The following PCDHA11 variants were observed in gnomAD, a reference collection of about 807,000 sequenced individuals.
PCDHA11 encodes the protein protocadherin alpha 11.
Under a neutral mutation model 70.3 loss-of-function variants are expected in PCDHA11, and 61 were observed. The observed-to-expected ratio is 0.87, with a 90% CI of 0.71 to 1.07. PCDHA11 has a LOEUF of 1.07. Among genes scored for constraint, PCDHA11 ranks in the 50% least tolerant of loss-of-function variants. The probability of loss-of-function intolerance (pLI) is 0.00; values close to 1 mark genes in which losing one functional copy is unlikely to be tolerated. For missense variants in PCDHA11, 1,324 were observed against 1,237.5 expected (o/e 1.07, Z -1.05); for synonymous variants, 633 against 555.1 (o/e 1.14, Z -1.97).
At chr5:140,950,343 A>C (rs1169343189) in intron 1 of PCDHA11, among the ~76,000 whole-genome samples, 9 of 151,988 alleles carry the variant, frequency 5.9e-5, no homozygotes, top group African/African-American at 2.2e-4. Context: ...GATTTATCTT[A>C]GTTTTCCTTT....
chr5:140,897,509 G>T (rs2153456975), intron 1 of PCDHA11, among the ~76,000 whole-genome samples: 1 of 152,062 alleles, frequency 6.6e-6, no homozygotes, highest in East Asian at 1.9e-4. Context: ...CCCTACAAAG[G>T]ACATGAACTC....
chr5:140,969,177 A>C, intron 1 of PCDHA11: 2 of 1,614,086 alleles, frequency 1.2e-6, no homozygotes, highest in Non-Finnish European at 1.7e-6. Flanking sequence ...TCAGGGAGTG[A>C]CACTTTCATG....
chr5:140,886,492 C>A (rs2060999452), intron 1 of PCDHA11, among the ~76,000 whole-genome samples: 1 of 152,036 alleles, frequency 6.6e-6, no homozygotes, highest in Non-Finnish European at 1.5e-5. Flanking sequence ...TAAAATATAT[C>A]TTTTTCCTTT....
chr5:140,902,666 C>A (rs1554190555), intron 1 of PCDHA11, among the ~76,000 whole-genome samples: 1 of 152,122 alleles, frequency 6.6e-6, no homozygotes, highest in Non-Finnish European at 1.5e-5. Context: ...GTCACCCAAG[C>A]AGTGTACACC....
intron 1 of PCDHA11, chr5:140,877,631 C>T: frequency 6.2e-7 from 1 of 1,613,768 alleles, no homozygotes; most frequent in Non-Finnish European, 8.5e-7. Context: ...CTGTACACTG[C>T]GCTGCGTTGC....
intron 1 of PCDHA11, chr5:140,928,905 G>T: frequency 6.2e-7 from 1 of 1,614,138 alleles, no homozygotes; most frequent in South Asian, 1.1e-5. Flanking sequence ...AAGATGTCTG[G>T]GAACCAGGAG....
chr5:140,988,038 T>C (rs1045669411), intron 3 of PCDHA11, among the ~76,000 whole-genome samples: 1 of 152,212 alleles, frequency 6.6e-6, no homozygotes, highest in African/African-American at 2.4e-5. Flanking sequence ...TTTTAGAATC[T>C]GTTTAGGAGC....
intron 1 of PCDHA11, among the ~76,000 whole-genome samples, chr5:140,906,410 A>T (rs1454575995): frequency 6.6e-6 from 1 of 152,246 alleles, no homozygotes; most frequent in Non-Finnish European, 1.5e-5. Flanking sequence ...ATATGAAGTC[A>T]ATAAATCTTA....
At chr5:140,940,776 T>A (rs2092683795) in intron 1 of PCDHA11, among the ~76,000 whole-genome samples, 1 of 152,222 alleles carries the variant, frequency 6.6e-6, no homozygotes, top group African/African-American at 2.4e-5. Flanking sequence ...CTTTTGATGG[T>A]CCATATCCTG....
chr5:140,906,822 T>C (rs2072968102), intron 1 of PCDHA11, among the ~76,000 whole-genome samples: 1 of 152,142 alleles, frequency 6.6e-6, no homozygotes, highest in African/African-American at 2.4e-5. Context: ...CACTGTGGAG[T>C]AGTAGACTGA....
chr5:140,876,261 A>G (rs2056242888), intron 1 of PCDHA11: 9 of 1,613,942 alleles, frequency 5.6e-6, no homozygotes, highest in Non-Finnish European at 7.6e-6. Context: ...GAGTGATCCA[A>G]CTAAATGCTT....
At chr5:140,941,214 C>CCTTTCTTCCTTTCTTTCTTTCTTTCTTT (rs2092875794) in intron 1 of PCDHA11, among the ~76,000 whole-genome samples, 1 of 122,414 alleles carries the variant, frequency 8.2e-6, no homozygotes, top group Non-Finnish European at 1.7e-5. Flanking sequence ...TTTCTTTCTT[C>CCTTTCTTCCTTTCTTTCTTTCTTTCTTT]CTTTCTTTCT....
At chr5:140,930,582 T>C in intron 1 of PCDHA11, 1 of 152,540 alleles carries the variant, frequency 6.6e-6, no homozygotes, top group East Asian at 1.9e-4. Flanking sequence ...GTATTACTTT[T>C]TGACTTCTCA....
At chr5:140,975,933 AG>A (rs1216240117) in intron 1 of PCDHA11, among the ~76,000 whole-genome samples, 1 of 152,194 alleles carries the variant, frequency 6.6e-6, no homozygotes, top group Non-Finnish European at 1.5e-5. Flanking sequence ...TAACCTTTGA[AG>A]CAATAGGACA....
rs1316558090 is a variant in PCDHA11, at chr5:140,876,786, G to A, written c.2391+5292G>A. 4 of 1,614,114 alleles carry A rather than the reference G, an allele frequency of 2.5e-6. No individual in the cohort carries two copies. In the African/African-American group the frequency reaches 5.3e-5, roughly 22 times the overall value. ...GGGGCTCGCCTTCGCTGTGGGCCAC[G>A]GCTAGAGTGTCCGTGGAGGTGGCCG... is the stretch of plus-strand genomic sequence containing the variant. On this transcript the variant is annotated intron_variant, in intron 1 of 3. Transcript: ENST00000398640.
rs2051950706 is a variant in PCDHA11 at position 140,870,383 on chromosome 5, G to A, written c.1280G>A (p.Arg427Gln). 20 of 1,614,242 alleles carry A rather than the reference G, an allele frequency of 1.2e-5. No homozygotes were observed. The highest frequency in any genetic ancestry group is 1.7e-5 in the Non-Finnish European group (20 of 1,180,050). The change falls in exon 1 of 4, where the codon CGG becomes CAG. Residue 427 changes from arginine to glutamine, a missense_variant. Coordinates refer to ENST00000398640, the MANE Select transcript of PCDHA11 (RefSeq NM_018902.5). ...VWAYELVVTA[R>Q]DGGSPSLWAT... ...GCCTATGAACTGGTGGTGACTGCGC[G>A]GGATGGGGGTTCGCCTTCTCTGTGG...
At chr5:140,899,575 G>C (rs1347901369) in intron 1 of PCDHA11, among the ~76,000 whole-genome samples, 1 of 152,086 alleles carries the variant, frequency 6.6e-6, no homozygotes, top group African/African-American at 2.4e-5. Flanking sequence ...TGCTGGATTC[G>C]GTTTGCCAGT....
chr5:140,897,548 A>G (rs1417180451), intron 1 of PCDHA11, among the ~76,000 whole-genome samples: 6 of 152,098 alleles, frequency 3.9e-5, no homozygotes, highest in Admixed American at 2.6e-4. Context: ...ATAGTCTTCC[A>G]TGGTGTATAT....
intron 3 of PCDHA11, among the ~76,000 whole-genome samples, chr5:141,001,813 G>A (rs782384459): frequency 2.6e-5 from 4 of 152,172 alleles, no homozygotes; most frequent in Non-Finnish European, 4.4e-5. Flanking sequence ...TCTACAATCG[G>A]CCAAATTCTG....
Sources: gnomAD v4.1 joint callset for allele counts (sites outside exome capture counted in the v4.1 genomes callset) on GRCh38, gnomAD v4.1.1 for gene constraint, MANE v1.5 for transcripts, NCBI Gene and HGNC (gene_info 2026-07-23, HGNC 2026-07-21) for gene names.